Variants in FYB2 observed in about 807,000 individuals in gnomAD.
The protein encoded by FYB2 is FYN-binding protein 2.
A neutral mutation model predicts 94.1 loss-of-function variants in FYB2; 103 were observed. The observed-to-expected ratio is 1.09, with a 90% CI of 0.93 to 1.29. FYB2 has a LOEUF of 1.29. Among genes scored for constraint, FYB2 ranks in the 50% most tolerant of loss-of-function variants. The pLI is 0.00. For missense variants in FYB2, 896 were observed against 841.5 expected (o/e 1.06, Z -0.80); for synonymous variants, 293 against 287.9 (o/e 1.02, Z -0.18).
chr1:56,751,651 C>A (rs955777337), intron 8 of FYB2, among the ~76,000 whole-genome samples: 1 of 151,954 alleles, frequency 6.6e-6, no homozygotes, highest in Admixed American at 6.6e-5. Context: ...CTTTTCATTT[C>A]CTTCTTTTTG....
chr1:56,778,823 C>G (rs1230707694), intron 4 of FYB2, among the ~76,000 whole-genome samples: 2 of 152,098 alleles, frequency 1.3e-5, no homozygotes, highest in Non-Finnish European at 2.9e-5. Context: ...TTCTTCCCAA[C>G]TAAAATATAT....
chr1:56,724,957 A>G (rs1407942967), intron 16 of FYB2, among the ~76,000 whole-genome samples: 1 of 151,584 alleles, frequency 6.6e-6, no homozygotes, highest in Non-Finnish European at 1.5e-5. Context: ...GTGAGTTACC[A>G]CTCTCACAGT....
At chr1:56,720,564 AGT>A in intron 17 of FYB2, 1 of 326,356 alleles carries the variant, frequency 3.1e-6, no homozygotes. Flanking sequence ...ATACTTTCAA[AGT>A]GTTTTCACAA....
At chr1:56,819,215 G>C in intron 1 of FYB2, 67 bp downstream of exon 1, 1 of 1,607,830 alleles carries the variant, frequency 6.2e-7, no homozygotes, top group Middle Eastern at 1.7e-4. Flanking sequence ...GGGCTCTCAA[G>C]TGGGAGGAAC....
intron 17 of FYB2, 145 bp from the exon 18 acceptor site, chr1:56,720,474 A>G (rs1278457609): frequency 1.1e-5 from 7 of 629,448 alleles, no homozygotes; most frequent in Non-Finnish European, 1.4e-5. Flanking sequence ...AAGAGAAAAT[A>G]GGAAAGTATG....
At chr1:56,823,814 T>C (rs1000848380), upstream of FYB2, 30 of 152,230 alleles carry the variant, frequency 2.0e-4, 1 homozygote, top group African/African-American at 6.8e-4. Context: ...AGTTACATTA[T>C]GTATGCATCA....
chr1:56,767,414 A>G (rs1467771692), intron 5 of FYB2, among the ~76,000 whole-genome samples: 2 of 152,180 alleles, frequency 1.3e-5, no homozygotes, highest in Non-Finnish European at 2.9e-5. Context: ...CCTAATTCTC[A>G]TGGTCTGTTA....
chr1:56,728,194 C>A (rs1029399918), intron 15 of FYB2, among the ~76,000 whole-genome samples: 4 of 152,070 alleles, frequency 2.6e-5, no homozygotes, highest in Non-Finnish European at 5.9e-5. Context: ...GTTGTCTACT[C>A]CCCCTCTTAC....
At chr1:56,725,471 T>G (rs139385083) in intron 16 of FYB2, among the ~76,000 whole-genome samples, 2,451 of 152,170 alleles carry the variant, frequency 0.016, 33 homozygotes, top group South Asian at 0.042. Flanking sequence ...AAAAAGGCAC[T>G]GGAAAATTGT....
intron 5 of FYB2, 152 bp from the exon 6 acceptor site, chr1:56,758,902 G>A: frequency 4.0e-6 from 2 of 502,210 alleles, no homozygotes; most frequent in Non-Finnish European, 6.7e-6. Flanking sequence ...GAAAGTTTGG[G>A]AAATTATGGG....
chr1:56,810,847 A>AT (rs1218774019), intron 1 of FYB2, among the ~76,000 whole-genome samples: 3 of 152,104 alleles, frequency 2.0e-5, no homozygotes, highest in Non-Finnish European at 4.4e-5. Flanking sequence ...CATTTTTCTG[A>AT]TTTTTTGGAA....
intron 1 of FYB2, among the ~76,000 whole-genome samples, chr1:56,796,690 A>G (rs1646406827): frequency 6.6e-6 from 1 of 152,100 alleles, no homozygotes; most frequent in Non-Finnish European, 1.5e-5. Flanking sequence ...TAATGCTCCA[A>G]CGTCACATTG....
intron 4 of FYB2, among the ~76,000 whole-genome samples, chr1:56,770,916 T>A (rs1645738883): frequency 6.6e-6 from 1 of 152,132 alleles, no homozygotes. Flanking sequence ...GAAATCAAGA[T>A]AACGAAAATT....
At chr1:56,805,376 T>C (rs1358508789) in intron 1 of FYB2, among the ~76,000 whole-genome samples, 1 of 152,192 alleles carries the variant, frequency 6.6e-6, no homozygotes, top group Non-Finnish European at 1.5e-5. Flanking sequence ...GAGTAATTCT[T>C]GATAAAAGAA....
At chr1:56,768,010 C>G (rs1341575134) in intron 4 of FYB2, 72 bp from the exon 5 acceptor site, 14 of 1,206,780 alleles carry the variant, frequency 1.2e-5, no homozygotes, top group Middle Eastern at 2.0e-4. Flanking sequence ...GTATTTTTTC[C>G]TCATTAGAGA....
intron 15 of FYB2, among the ~76,000 whole-genome samples, chr1:56,734,665 C>T (rs552329922): frequency 1.3e-4 from 19 of 151,576 alleles, no homozygotes; most frequent in African/African-American, 3.4e-4. Flanking sequence ...GCTTGTCAGG[C>T]GGTGAGGGGC....
intron 9 of FYB2, among the ~76,000 whole-genome samples, chr1:56,744,749 A>T (rs1207389406): frequency 6.6e-6 from 1 of 152,032 alleles, no homozygotes; most frequent in Admixed American, 6.6e-5. Context: ...TTCTGGAGTT[A>T]GCCAGAAGAT....
chr1:56,798,774 G>T (rs1260178803), intron 1 of FYB2, among the ~76,000 whole-genome samples: 2 of 152,148 alleles, frequency 1.3e-5, no homozygotes, highest in African/African-American at 4.8e-5. Flanking sequence ...GACAAGGATA[G>T]TGAGGCATCG....
chr1:56,774,701 A>G (rs141783604), intron 4 of FYB2, among the ~76,000 whole-genome samples: 1 of 152,136 alleles, frequency 6.6e-6, no homozygotes, highest in Non-Finnish European at 1.5e-5. Flanking sequence ...TGAAGGATGC[A>G]AAGTATTGTG....
Sources: gnomAD v4.1 joint callset for allele counts (sites outside exome capture counted in the v4.1 genomes callset) on GRCh38, gnomAD v4.1.1 for gene constraint, MANE v1.5 for transcripts, NCBI Gene and HGNC (gene_info 2026-07-23, HGNC 2026-07-21) for gene names.